RTTN: variants seen among roughly 807,000 people sequenced by gnomAD.
RTTN encodes rotatin.
RTTN carries 182 observed loss-of-function variants against 269.2 expected under a neutral mutation model. The observed-to-expected ratio is 0.68, with a 90% confidence interval of 0.60 to 0.76. RTTN has a LOEUF of 0.76. Ranked by LOEUF, RTTN falls within the 30% of genes least tolerant of loss-of-function variation. The pLI is 0.00. For missense variants in RTTN, 2,545 were observed against 2,608.6 expected (o/e 0.98, Z 0.53); for synonymous variants, 1,006 against 963.5 (o/e 1.04, Z -0.82).
At chr18:70,056,146 T>C (rs982393643) in intron 37 of RTTN, among the ~76,000 whole-genome samples, 1 of 152,262 alleles carries the variant, frequency 6.6e-6, no homozygotes, top group Non-Finnish European at 1.5e-5. Context: ...GATGCTCATC[T>C]GCTTTGTTCA....
At chr18:70,121,383 A>G (rs529808456) in intron 26 of RTTN, among the ~76,000 whole-genome samples, 173 bp downstream of exon 26, 1 of 152,354 alleles carries the variant, frequency 6.6e-6, no homozygotes, top group Admixed American at 6.5e-5. Flanking sequence ...TTTAATAAAC[A>G]CATTCACAAT....
Position 70,134,369 on chromosome 18 carries a change from G to A in RTTN, c.2954+104C>T. 3.4e-6 allele frequency: 3 copies of A among 869,740 alleles called. No homozygotes were observed. The South Asian group carries it at 4.6e-5, about 13-fold the overall frequency. The allele number at this position is 869,740 out of a possible 1,614,324, so 53.9% of individuals were successfully genotyped here. A position where few individuals can be genotyped will look rare whatever the true frequency, so the allele number is the denominator to read the frequency against. On this transcript the variant is annotated intron_variant, in intron 23 of 48. Transcript: ENST00000640769. ...AGGAACCATGAAAGCCCAAGTTATG[G>A]GATTTAAATGCTAAATGAAAATTGT...
At chr18:70,024,583 G>T in intron 44 of RTTN, 139 bp downstream of exon 44, 3 of 718,130 alleles carry the variant, frequency 4.2e-6, no homozygotes, top group Non-Finnish European at 6.9e-6. Context: ...CTACGAGAAA[G>T]CTTGCCTTTG....
intron 14 of RTTN, among the ~76,000 whole-genome samples, chr18:70,156,153 C>A (rs964273210): frequency 6.6e-6 from 1 of 152,186 alleles, no homozygotes; most frequent in Non-Finnish European, 1.5e-5. Context: ...CCGGGTGGAA[C>A]AGAGCCATAT....
At chr18:70,067,142 A>G (rs943468613) in intron 34 of RTTN, among the ~76,000 whole-genome samples, 35 of 147,858 alleles carry the variant, frequency 2.4e-4, no homozygotes, top group Non-Finnish European at 4.6e-4. Flanking sequence ...ATACTAAGTA[A>G]AAATAACCTA....
chr18:70,098,057 T>A (rs1366842873), intron 28 of RTTN, among the ~76,000 whole-genome samples: 2 of 58,062 alleles, frequency 3.4e-5, no homozygotes, highest in Admixed American at 2.4e-4. Context: ...TGACAAAAAA[T>A]GCTATAAACT....
At chr18:70,019,219 AC>A (rs1450943087) in intron 45 of RTTN, 5 of 152,186 alleles carry the variant, frequency 3.3e-5, no homozygotes, top group African/African-American at 1.2e-4. Context: ...ATTTTGTTAA[AC>A]CCAAATGAAG....
intron 30 of RTTN, among the ~76,000 whole-genome samples, chr18:70,091,313 T>A (rs2145228952): frequency 6.6e-6 from 1 of 152,270 alleles, no homozygotes; most frequent in Admixed American, 6.5e-5. Context: ...TTGAAGTCTT[T>A]ATGCTCAAGT....
chr18:70,179,769 G>T (rs7226831), intron 10 of RTTN, among the ~76,000 whole-genome samples: 2 of 151,994 alleles, frequency 1.3e-5, no homozygotes, highest in East Asian at 3.9e-4. Flanking sequence ...GATTCTACAA[G>T]GCACCTGGAG....
intron 18 of RTTN, 84 bp downstream of exon 18, chr18:70,145,528 C>G (rs1171760104): frequency 1.8e-6 from 2 of 1,087,498 alleles, no homozygotes; most frequent in East Asian, 5.2e-5. Context: ...AGGACATACA[C>G]AAACTGAAGA....
At chr18:70,145,878 T>C (rs1044842575) in intron 17 of RTTN, 95 bp from the exon 18 acceptor site, 28 of 924,308 alleles carry the variant, frequency 3.0e-5, no homozygotes, top group African/African-American at 5.0e-5. Flanking sequence ...ATCAACAAAG[T>C]ACAATAAGTA....
At chr18:70,193,171 T>C in intron 8 of RTTN, 117 bp downstream of exon 8, 5 of 955,408 alleles carry the variant, frequency 5.2e-6, no homozygotes, top group Non-Finnish European at 7.5e-6. Context: ...CCTGTGTTAA[T>C]GTTTCAAAAA....
chr18:70,013,196 C>T (rs577885899), intron 46 of RTTN, among the ~76,000 whole-genome samples: 1 of 152,316 alleles, frequency 6.6e-6, no homozygotes, highest in African/African-American at 2.4e-5. Flanking sequence ...CATTAGGGCA[C>T]ATCAAATGTC....
chr18:70,029,739 A>C (rs2056958155), intron 42 of RTTN, among the ~76,000 whole-genome samples: 1 of 152,200 alleles, frequency 6.6e-6, no homozygotes, highest in Non-Finnish European at 1.5e-5. Flanking sequence ...GTAGTATAAA[A>C]AATTTATCTG....
intron 44 of RTTN, among the ~76,000 whole-genome samples, chr18:70,021,889 C>A (rs2056715099): frequency 6.6e-6 from 1 of 152,106 alleles, no homozygotes; most frequent in Non-Finnish European, 1.5e-5. Flanking sequence ...GGCTCCTTAA[C>A]TGTTGTGAGT....
intron 39 of RTTN, among the ~76,000 whole-genome samples, chr18:70,049,644 T>A (rs533755224): frequency 6.6e-6 from 1 of 152,182 alleles, no homozygotes; most frequent in South Asian, 2.1e-4. Flanking sequence ...TTAAAATAAC[T>A]CAATTTTGAG....
At chr18:70,041,933 C>G (rs1161052155) in intron 40 of RTTN, among the ~76,000 whole-genome samples, 1 of 151,946 alleles carries the variant, frequency 6.6e-6, no homozygotes, top group African/African-American at 2.4e-5. Flanking sequence ...AAAATAACCC[C>G]CATTGGTCCC....
intron 46 of RTTN, among the ~76,000 whole-genome samples, chr18:70,013,585 C>T (rs1195179069): frequency 6.6e-6 from 1 of 151,938 alleles, no homozygotes; most frequent in Admixed American, 6.6e-5. Context: ...TTTAAATAAC[C>T]TAAAGTGAAT....
At chr18:70,162,588 G>C (rs1243423753) in intron 14 of RTTN, among the ~76,000 whole-genome samples, 1 of 152,114 alleles carries the variant, frequency 6.6e-6, no homozygotes, top group Non-Finnish European at 1.5e-5. Context: ...CAGATCTCAT[G>C]AGAACTCACT....
Sources: gnomAD v4.1 joint callset for allele counts (sites outside exome capture counted in the v4.1 genomes callset) on GRCh38, gnomAD v4.1.1 for gene constraint, MANE v1.5 for transcripts, NCBI Gene and HGNC (gene_info 2026-07-23, HGNC 2026-07-21) for gene names.